NPAS3: variants seen among roughly 807,000 people sequenced by gnomAD.
The protein encoded by NPAS3 is neuronal PAS domain-containing protein 3.
A neutral mutation model predicts 73.1 loss-of-function variants in NPAS3; 14 were observed. The observed-to-expected ratio is 0.19, with a 90% CI of 0.13 to 0.30. The LOEUF (loss-of-function observed/expected upper bound fraction) is 0.30, where lower values mean the gene tolerates loss of function less well. NPAS3 is among the 10% of genes least tolerant of loss of function. The pLI, the probability that NPAS3 is intolerant of heterozygous loss-of-function variation, is 1.00. For missense variants in NPAS3, 1,096 were observed against 1,250.0 expected, an observed-to-expected ratio of 0.88 and a Z score of 1.86; for synonymous variants, 620 against 541.5, an observed-to-expected ratio of 1.14 and a Z score of -2.01.
At chr14:33,121,558 A>G (rs2043231907) in intron 2 of NPAS3, among the ~76,000 whole-genome samples, 1 of 152,182 alleles carries the variant, frequency 6.6e-6, no homozygotes, top group African/African-American at 2.4e-5. Context: ...AATGAGTGCC[A>G]GATTGTTTAA....
chr14:33,407,074 C>T (rs1594850906), intron 4 of NPAS3, among the ~76,000 whole-genome samples: 2 of 152,218 alleles, frequency 1.3e-5, no homozygotes, highest in East Asian at 1.9e-4. Flanking sequence ...GGCTCAAGAC[C>T]TACAAATTAT....
intron 1 of NPAS3, among the ~76,000 whole-genome samples, chr14:32,982,467 A>G (rs1347429864): frequency 2.0e-5 from 3 of 152,090 alleles, no homozygotes; most frequent in African/African-American, 7.2e-5. Flanking sequence ...CCCAGCACTT[A>G]GGGAGGCAGA....
chr14:33,218,297 G>C (rs2047298003), intron 3 of NPAS3, among the ~76,000 whole-genome samples: 1 of 152,124 alleles, frequency 6.6e-6, no homozygotes, highest in South Asian at 2.1e-4. Flanking sequence ...TAAACATAGT[G>C]ACTCCCTACT....
intron 9 of NPAS3, among the ~76,000 whole-genome samples, chr14:33,784,747 T>TTTTTTTTTTTTTTTTTTTTTTTTTTTA (rs2063106714): frequency 9.7e-6 from 1 of 103,040 alleles, no homozygotes; most frequent in African/African-American, 5.3e-5. Flanking sequence ...ATTTATTTAT[T>TTTTTTTTTTTTTTTTTTTTTTTTTTTA]TTTTTTTTTT....
intron 4 of NPAS3, among the ~76,000 whole-genome samples, chr14:33,373,556 A>G (rs1377987239): frequency 1.3e-5 from 2 of 152,160 alleles, no homozygotes; most frequent in Non-Finnish European, 2.9e-5. Context: ...AAGTACCAAC[A>G]TGTTTGTACA....
intron 6 of NPAS3, among the ~76,000 whole-genome samples, chr14:33,709,695 C>T (rs574856715): frequency 2.6e-5 from 4 of 152,250 alleles, no homozygotes; most frequent in Admixed American, 2.6e-4. Context: ...CACTGAAGCC[C>T]GCAAAGGTTT....
At chr14:33,560,692 T>C (rs1318646025) in intron 5 of NPAS3, among the ~76,000 whole-genome samples, 1 of 152,194 alleles carries the variant, frequency 6.6e-6, no homozygotes, top group East Asian at 1.9e-4. Context: ...TTTTGCTGCC[T>C]TTGCAAATGC....
intron 7 of NPAS3, among the ~76,000 whole-genome samples, chr14:33,754,909 G>C (rs576290890): frequency 6.6e-6 from 1 of 152,138 alleles, no homozygotes; most frequent in Admixed American, 6.5e-5. Context: ...ATGCCATGAC[G>C]TGTCTCATAG....
intron 2 of NPAS3, among the ~76,000 whole-genome samples, chr14:33,099,425 G>GAAT (rs747643264): frequency 4.6e-5 from 7 of 152,098 alleles, no homozygotes; most frequent in African/African-American, 7.2e-5. Flanking sequence ...TGGACTCTAT[G>GAAT]AATCTCAGGT....
At chr14:33,488,860 A>G (rs909187879) in intron 4 of NPAS3, among the ~76,000 whole-genome samples, 1 of 152,150 alleles carries the variant, frequency 6.6e-6, no homozygotes, top group Non-Finnish European at 1.5e-5. Flanking sequence ...TGTTTTCCAT[A>G]TTGAGGTGCC....
At chr14:33,509,159 T>C (rs902957775) in intron 4 of NPAS3, among the ~76,000 whole-genome samples, 3 of 152,020 alleles carry the variant, frequency 2.0e-5, no homozygotes, top group Non-Finnish European at 2.9e-5. Context: ...GTTGTTATAA[T>C]TGATTCTTGA....
chr14:33,603,110 CTT>C (rs2057451147), intron 5 of NPAS3, among the ~76,000 whole-genome samples: 1 of 152,180 alleles, frequency 6.6e-6, no homozygotes, highest in Admixed American at 6.5e-5. Context: ...GGAAGTCAAA[CTT>C]GTTATTATTA....
chr14:33,139,241 C>G (rs1201413952), intron 2 of NPAS3, among the ~76,000 whole-genome samples: 4 of 152,144 alleles, frequency 2.6e-5, no homozygotes, highest in African/African-American at 9.7e-5. Context: ...TGAGACTGTT[C>G]ACATGTTACC....
At chr14:33,260,076 A>G (rs2139949149) in intron 3 of NPAS3, among the ~76,000 whole-genome samples, 1 of 152,302 alleles carries the variant, frequency 6.6e-6, no homozygotes, top group South Asian at 2.1e-4. Context: ...GCAACTTCAT[A>G]GCGTGACCAT....
At chr14:33,653,654 T>C (rs1464705527) in intron 5 of NPAS3, among the ~76,000 whole-genome samples, 1 of 152,220 alleles carries the variant, frequency 6.6e-6, no homozygotes, top group Non-Finnish European at 1.5e-5. Context: ...TTGAATTCAG[T>C]TCAGAGGGTC....
At chr14:33,492,551 G>A (rs1286967947) in intron 4 of NPAS3, among the ~76,000 whole-genome samples, 1 of 152,164 alleles carries the variant, frequency 6.6e-6, no homozygotes, top group Non-Finnish European at 1.5e-5. Context: ...ATGTGTAGAA[G>A]ATTTCATCAA....
chr14:33,297,035 T>G (rs1437277112), intron 3 of NPAS3, among the ~76,000 whole-genome samples: 1 of 152,214 alleles, frequency 6.6e-6, no homozygotes, highest in Admixed American at 6.5e-5. Context: ...TTTTTTTCTC[T>G]CTGCATACTT....
intron 3 of NPAS3, among the ~76,000 whole-genome samples, chr14:33,360,126 A>C (rs1386628752): frequency 6.6e-6 from 1 of 152,212 alleles, no homozygotes; most frequent in Admixed American, 6.5e-5. Context: ...TCAGCTTCGC[A>C]TCCCGAGTTC....
Position 33,195,577 on chromosome 14 carries a change from G to A in NPAS3, c.141-19605G>A, listed in dbSNP as rs1478638433. On this transcript the variant is annotated intron_variant, in intron 2 of 11. Transcript: ENST00000356141. ...GCCACCATGCCTGGCCAAAACAAGA[G>A]TTTTAATTTAATGTTTAAAACAGAG... Among the ~76,000 whole-genome samples, 18 of 152,148 alleles carry A rather than the reference G, an allele frequency of 1.2e-4. 1 individual carries two copies. Among genetic ancestry groups the A allele is most frequent in the Non-Finnish European group, 2.5e-4 (17 of 68,030 alleles).
Sources: allele counts gnomAD v4.1 joint callset (sites outside exome capture counted in the v4.1 genomes callset), GRCh38; gene constraint gnomAD v4.1.1; transcripts MANE v1.5; gene names NCBI Gene and HGNC (gene_info 2026-07-23, HGNC 2026-07-21).